ZNF248: variants seen among roughly 807,000 people sequenced by gnomAD.
ZNF248 encodes KRAB protein domain.
ZNF248 carries 20 observed loss-of-function variants against 44.3 expected under a neutral mutation model. That is an observed-to-expected ratio of 0.45 (90% CI 0.32 to 0.66). ZNF248 has a LOEUF of 0.66. ZNF248 is among the 30% of genes least tolerant of loss of function. ZNF248 has a pLI of 0.04. For synonymous variants in ZNF248, 224 were observed against 229.0 expected, an observed-to-expected ratio of 0.98 and a Z score of 0.20; for missense variants, 654 against 677.0, an observed-to-expected ratio of 0.97 and a Z score of 0.38.
intron 6 of ZNF248, chr10:37,794,454 A>G: frequency 6.2e-6 from 1 of 161,384 alleles, no homozygotes. Context: ...ATGTAGTGTG[A>G]GATTTAAATT....
intron 3 of ZNF248, among the ~76,000 whole-genome samples, chr10:37,855,101 A>ATATTTTCT (rs2135019091): frequency 6.6e-6 from 1 of 152,354 alleles, no homozygotes; most frequent in East Asian, 1.9e-4. Context: ...ATATACATAC[A>ATATTTTCT]TATTTTCTTT....
At chr10:37,794,566 C>G (rs531844170) in intron 6 of ZNF248, 1 of 161,694 alleles carries the variant, frequency 6.2e-6, no homozygotes, top group Non-Finnish European at 1.4e-5. Context: ...TTTCCCACAT[C>G]TGATACATTC....
intron 6 of ZNF248, among the ~76,000 whole-genome samples, chr10:37,784,430 T>C (rs1589038054): frequency 1.3e-5 from 2 of 152,204 alleles, no homozygotes; most frequent in African/African-American, 2.4e-5. Flanking sequence ...CCAATTGTAG[T>C]TAAGGCCACT....
chr10:37,771,198 G>A, the ZNF248 span, among the ~76,000 whole-genome samples: 2 of 152,208 alleles, frequency 1.3e-5, no homozygotes, highest in African/African-American at 2.4e-5. Flanking sequence ...TTCAACAATT[G>A]TGGAAGACAG....
chr10:37,759,900 A>C, the ZNF248 span, among the ~76,000 whole-genome samples: 1 of 152,194 alleles, frequency 6.6e-6, no homozygotes, highest in East Asian at 1.9e-4. Context: ...AAATGAAGAC[A>C]GACCTGCTGT....
downstream of ZNF248, chr10:37,776,307 C>T (rs962657844): frequency 5.4e-5 from 18 of 333,974 alleles, no homozygotes; most frequent in African/African-American, 1.9e-4. Flanking sequence ...TTTTCTGAGA[C>T]GTGGTCCAAA....
downstream of ZNF248, among the ~76,000 whole-genome samples, chr10:37,825,425 G>A (rs1416128224): frequency 1.3e-5 from 2 of 152,060 alleles, no homozygotes; most frequent in Non-Finnish European, 2.9e-5. Flanking sequence ...ACAATGGTGG[G>A]CGCACATTTC....
chr10:37,767,531 A>G, the ZNF248 span, among the ~76,000 whole-genome samples: 2 of 152,192 alleles, frequency 1.3e-5, no homozygotes, highest in Non-Finnish European at 2.9e-5. Flanking sequence ...ACTAAGCTTC[A>G]TAAGTGAAGG....
chr10:37,837,349 G>A (rs190988360), intron 5 of ZNF248, among the ~76,000 whole-genome samples: 74 of 152,166 alleles, frequency 4.9e-4, no homozygotes, highest in Non-Finnish European at 8.5e-4. Context: ...TCTTGACCTC[G>A]TCATCCGCCT....
At chr10:37,816,181 T>C (rs916738836) in intron 6 of ZNF248, among the ~76,000 whole-genome samples, 2 of 152,084 alleles carry the variant, frequency 1.3e-5, no homozygotes, top group Non-Finnish European at 2.9e-5. Flanking sequence ...GGGGAAGCAA[T>C]TCATTAAATC....
the ZNF248 span, among the ~76,000 whole-genome samples, chr10:37,760,270 C>T: frequency 6.6e-6 from 1 of 152,008 alleles, no homozygotes; most frequent in African/African-American, 2.4e-5. Flanking sequence ...GCTCTGTTGC[C>T]CAGGCTGGAG....
At chr10:37,762,932 AAAT>A in the ZNF248 span, among the ~76,000 whole-genome samples, 1 of 152,310 alleles carries the variant, frequency 6.6e-6, no homozygotes, top group South Asian at 2.1e-4. Flanking sequence ...TTTTTCATGT[AAAT>A]AATTATTTTT....
At chr10:37,786,977 T>C (rs964115509) in intron 6 of ZNF248, among the ~76,000 whole-genome samples, 2 of 152,192 alleles carry the variant, frequency 1.3e-5, no homozygotes, top group South Asian at 4.1e-4. Context: ...CTTATACTAC[T>C]TGATTTTAAA....
At position 37,832,233 on chromosome 10, in the gene ZNF248, G is replaced by A. The variant is rs776768276; in HGVS notation, c.1122C>T (p.His374=). Residue 374 remains histidine (H), a synonymous_variant, in exon 6 of 6, where the codon CAC becomes CAT. Coordinates refer to ENST00000395867, the MANE Select transcript of ZNF248 (RefSeq NM_021045.3). ...CACATTCAAAGGTTTTTTCTCCTGTGTGAGCTCTCCGAAGCTGGGTAAGAT... is the reference window on the plus strand; with the variant it reads ...CACATTCAAAGGTTTTTTCTCCTGTATGAGCTCTCCGAAGCTGGGTAAGAT... ...KSHLTQLRRA[H]TGEKTFECGE... is the part of the protein sequence containing the mutation. 3.1e-6 allele frequency: 5 copies of A among 1,613,926 alleles called. No homozygotes were observed. In the African/African-American group the frequency reaches 5.3e-5, roughly 17 times the overall value.
downstream of ZNF248, among the ~76,000 whole-genome samples, chr10:37,825,310 T>C (rs1434831139): frequency 2.0e-5 from 3 of 152,170 alleles, no homozygotes; most frequent in African/African-American, 7.2e-5. Flanking sequence ...AATTGTTCAA[T>C]GTCTGTAGAA....
In ZNF248 at chr10:37,829,112, A is replaced by G. The variant is rs932129310; in HGVS notation, c.*2503T>C. 9.1e-6 allele frequency: 9 copies of G among 985,368 alleles called. No homozygotes were observed. The Admixed American group carries it at 1.8e-4, about 20-fold the overall frequency. 61.0% of individuals were successfully genotyped at this position (985,368 alleles called of 1,614,324 possible). A position where few individuals can be genotyped will look rare whatever the true frequency, so the allele number is the denominator to read the frequency against. ...TTCTCTGTGCCCACCTGGGCTCTCC[A>G]GCAGATGTATCTGGTTGGTTTCTCC... On this transcript the variant is annotated 3_prime_UTR_variant, in exon 6 of 6. Transcript: ENST00000395867.
the ZNF248 span, among the ~76,000 whole-genome samples, chr10:37,766,629 C>T: frequency 6.6e-6 from 1 of 152,154 alleles, no homozygotes; most frequent in African/African-American, 2.4e-5. Context: ...TTCTGTATGT[C>T]ACCATCATCA....
chr10:37,801,060 C>G (rs2049753816), intron 6 of ZNF248, among the ~76,000 whole-genome samples: 1 of 151,734 alleles, frequency 6.6e-6, no homozygotes, highest in Non-Finnish European at 1.5e-5. Flanking sequence ...CTGTGCCCGG[C>G]CTAAACAACA....
chr10:37,826,003 G>A (rs927764973), downstream of ZNF248, among the ~76,000 whole-genome samples: 7 of 152,004 alleles, frequency 4.6e-5, no homozygotes, highest in African/African-American at 1.2e-4. Context: ...GTAAAAATAT[G>A]GGAAGCTACC....
Sources: gnomAD v4.1 joint callset for allele counts (sites outside exome capture counted in the v4.1 genomes callset) on GRCh38, gnomAD v4.1.1 for gene constraint, MANE v1.5 for transcripts, NCBI Gene and HGNC (gene_info 2026-07-23, HGNC 2026-07-21) for gene names.